Variants in CTNNA3 observed in about 807,000 individuals in gnomAD.
The protein encoded by CTNNA3 is catenin alpha-3.
A neutral mutation model predicts 95.7 loss-of-function variants in CTNNA3; 76 were observed. The ratio of observed to expected loss-of-function variants is 0.79; its 90% confidence interval spans 0.66 to 0.96. The LOEUF (loss-of-function observed/expected upper bound fraction) is 0.96. Ranked by LOEUF, CTNNA3 falls within the 40% of genes least tolerant of loss-of-function variation. The pLI, the probability that CTNNA3 is intolerant of heterozygous loss-of-function variation, is 0.00. For missense variants in CTNNA3, 1,191 were observed against 1,089.8 expected, an observed-to-expected ratio of 1.09 and a Z score of -1.31; for synonymous variants, 431 against 374.4, an observed-to-expected ratio of 1.15 and a Z score of -1.74.
intron 5 of CTNNA3, among the ~76,000 whole-genome samples, chr10:67,256,388 T>C (rs561860970): frequency 3.9e-4 from 60 of 152,174 alleles, no homozygotes; most frequent in Non-Finnish European, 4.9e-4. Flanking sequence ...ATGCCTTCTT[T>C]TGATCTGTCT....
rs1422262548 is a variant in CTNNA3 at position 65,913,470 on chromosome 10, T to C, written c.*6860A>G. ...CATTTAGGTCTAAGGAAATTTTCTT[T>C]GGAGGGACTGTACCACATGAGAAAA... On this transcript the variant is annotated 3_prime_UTR_variant, in exon 18 of 18. Coordinates refer to ENST00000433211, the MANE Select transcript of CTNNA3 (RefSeq NM_013266.4). 1 of 152,120 alleles carries C rather than the reference T, an allele frequency of 6.6e-6. No individual in the cohort carries two copies. Among genetic ancestry groups the C allele is most frequent in the East Asian group, 1.9e-4 (1 of 5,190 alleles). The allele number at this position is 152,120 out of a possible 1,614,324, so 9.4% of individuals were successfully genotyped here.
intron 3 of CTNNA3, among the ~76,000 whole-genome samples, chr10:67,567,402 A>G (rs1453785555): frequency 1.3e-5 from 2 of 152,040 alleles, no homozygotes; most frequent in African/African-American, 4.8e-5. Context: ...AAATGAATGT[A>G]GAAAGTGGAA....
chr10:66,959,867 A>G (rs1251350328), intron 7 of CTNNA3, among the ~76,000 whole-genome samples: 1 of 152,146 alleles, frequency 6.6e-6, no homozygotes, highest in African/African-American at 2.4e-5. Flanking sequence ...TTCTTCTACC[A>G]AAGCCATTTG....
intron 13 of CTNNA3, among the ~76,000 whole-genome samples, chr10:66,140,332 T>C (rs1166075240): frequency 6.6e-6 from 1 of 152,222 alleles, no homozygotes; most frequent in African/African-American, 2.4e-5. Flanking sequence ...TAAGTACCAA[T>C]GTAATCGTAT....
chr10:67,231,087 G>A (rs961240596), intron 5 of CTNNA3, among the ~76,000 whole-genome samples: 2 of 152,152 alleles, frequency 1.3e-5, no homozygotes, highest in Admixed American at 6.5e-5. Flanking sequence ...AGGCGGCAGC[G>A]AGGCTGGGGG....
At chr10:66,204,342 T>C (rs1437921842) in intron 13 of CTNNA3, among the ~76,000 whole-genome samples, 1 of 152,060 alleles carries the variant, frequency 6.6e-6, no homozygotes, top group African/African-American at 2.4e-5. Flanking sequence ...AATGACCCAA[T>C]GTGACTGAGA....
intron 11 of CTNNA3, among the ~76,000 whole-genome samples, chr10:66,432,693 T>A (rs893529100): frequency 1.2e-4 from 18 of 150,710 alleles, no homozygotes; most frequent in Admixed American, 8.6e-4. Context: ...CTGGTATACA[T>A]GTGCAGAACA....
At chr10:67,388,847 G>C (rs1400857693) in intron 5 of CTNNA3, among the ~76,000 whole-genome samples, 2 of 152,072 alleles carry the variant, frequency 1.3e-5, no homozygotes, top group African/African-American at 4.8e-5. Context: ...ATACTTTATA[G>C]ACAAGCAAAT....
chr10:67,612,019 C>A (rs540031236), intron 2 of CTNNA3, among the ~76,000 whole-genome samples: 8 of 152,030 alleles, frequency 5.3e-5, no homozygotes, highest in African/African-American at 1.7e-4. Context: ...AGGGGGTGTC[C>A]CTTCTTCAAG....
Position 67,629,189 on chromosome 10 carries a change from C to A in CTNNA3, c.99+18226G>T, listed in dbSNP as rs185892599. Among the ~76,000 whole-genome samples, 532 of 152,114 alleles carry A rather than the reference C, an allele frequency of 3.5e-3. 1 individual carries two copies. The highest frequency in any genetic ancestry group is 7.1e-3 in the Admixed American group (108 of 15,282). ...AAAAACAACAACTTTTTAAAGGCTA[C>A]AATTCCCCTGTGTTATGCACACTGA... On this transcript the variant is annotated intron_variant, in intron 2 of 17. Transcript: ENST00000433211.
intron 11 of CTNNA3, among the ~76,000 whole-genome samples, chr10:66,510,663 A>T (rs1420434330): frequency 2.6e-5 from 4 of 151,830 alleles, no homozygotes; most frequent in Non-Finnish European, 5.9e-5. Flanking sequence ...TGTTTTTAAA[A>T]TTTTATATTG....
intron 7 of CTNNA3, among the ~76,000 whole-genome samples, chr10:66,939,268 C>G (rs1022859075): frequency 2.6e-5 from 4 of 152,184 alleles, no homozygotes; most frequent in Admixed American, 2.6e-4. Flanking sequence ...TTCCTCCCTT[C>G]TGTTCATTCC....
chr10:65,930,839 A>G (rs995705868), intron 17 of CTNNA3, among the ~76,000 whole-genome samples: 2 of 152,216 alleles, frequency 1.3e-5, no homozygotes, highest in African/African-American at 4.8e-5. Context: ...AAATATGCCT[A>G]TTCATCTCTA....
intron 1 of CTNNA3, among the ~76,000 whole-genome samples, chr10:67,683,646 C>T (rs1840670033): frequency 6.6e-6 from 1 of 152,120 alleles, no homozygotes; most frequent in Non-Finnish European, 1.5e-5. Context: ...AGAGTGTGTC[C>T]AGAATTGGTT....
intron 4 of CTNNA3, among the ~76,000 whole-genome samples, chr10:67,530,137 T>C (rs1445088150): frequency 6.6e-6 from 1 of 152,228 alleles, no homozygotes; most frequent in Non-Finnish European, 1.5e-5. Context: ...GTCTCAGGTA[T>C]GTCTTTATTA....
intron 7 of CTNNA3, among the ~76,000 whole-genome samples, chr10:67,040,738 G>GA (rs528601075): frequency 1.3e-3 from 197 of 152,052 alleles, no homozygotes; most frequent in African/African-American, 4.6e-3. Flanking sequence ...AAGATGTCAG[G>GA]AAAAAATGCA....
At chr10:66,632,537 A>G (rs1845176536) in intron 9 of CTNNA3, among the ~76,000 whole-genome samples, 1 of 144,700 alleles carries the variant, frequency 6.9e-6, no homozygotes, top group Non-Finnish European at 1.5e-5. Context: ...CCTGGGTGAC[A>G]AGAATGAAAC....
chr10:67,238,300 T>C (rs1299668072), intron 5 of CTNNA3, among the ~76,000 whole-genome samples: 11 of 152,046 alleles, frequency 7.2e-5, no homozygotes, highest in Admixed American at 7.2e-4. Context: ...GCATCCAGGG[T>C]GAATATTACA....
chr10:67,603,539 C>G (rs1843153043), intron 3 of CTNNA3, among the ~76,000 whole-genome samples: 1 of 151,518 alleles, frequency 6.6e-6, no homozygotes, highest in African/African-American at 2.4e-5. Flanking sequence ...AGCCCTGATT[C>G]TGTGTAGGCC....
Sources: allele counts gnomAD v4.1 joint callset (sites outside exome capture counted in the v4.1 genomes callset), GRCh38; gene constraint gnomAD v4.1.1; transcripts MANE v1.5; gene names NCBI Gene and HGNC (gene_info 2026-07-23, HGNC 2026-07-21).